The following CD3E variants were observed in gnomAD, a reference collection of about 807,000 sequenced individuals.
CD3E encodes the protein T-cell surface glycoprotein CD3 epsilon chain.
CD3E carries 16 observed loss-of-function variants against 34.7 expected under a neutral mutation model. That is an observed-to-expected ratio of 0.46 (90% CI 0.31 to 0.70). The LOEUF (loss-of-function observed/expected upper bound fraction) is 0.70. Ranked by LOEUF, CD3E falls within the 30% of genes least tolerant of loss-of-function variation. The pLI is 0.05. For missense variants in CD3E, 223 were observed against 253.9 expected, an observed-to-expected ratio of 0.88 and a Z score of 0.83; for synonymous variants, 70 against 90.8, an observed-to-expected ratio of 0.77 and a Z score of 1.30.
intron 2 of CD3E, among the ~76,000 whole-genome samples, chr11:118,305,403 T>A (rs558920236): frequency 4.3e-4 from 65 of 152,356 alleles, no homozygotes; most frequent in African/African-American, 1.5e-3. Flanking sequence ...AGCAATTCAC[T>A]ATCTTTGAGA....
chr11:118,313,951 C>CCACAG, intron 7 of CD3E, 77 bp downstream of exon 7: 1 of 1,459,644 alleles, frequency 6.9e-7, no homozygotes, highest in Non-Finnish European at 9.5e-7. Context: ...GGTGGCAAGT[C>CCACAG]CACAGCTAGG....
At position 118,315,662 on chromosome 11, in the gene CD3E, G is replaced by A. The variant is rs1948162677; in HGVS notation, c.*120G>A. On this transcript the variant is annotated 3_prime_UTR_variant, in exon 9 of 9. Transcript: ENST00000361763. ...GAGAATCGTTCCTCAGCCTCATGGT[G>A]AACTCGCGCCCTCCAGCCTGATCCC... 2.3e-6 allele frequency: 2 copies of A among 884,218 alleles called. No homozygotes were observed. The highest frequency in any genetic ancestry group is 4.0e-5 in the Admixed American group (2 of 50,090). The allele number at this position is 884,218 out of a possible 1,614,324, so 54.8% of individuals were successfully genotyped here. A position where few individuals can be genotyped will look rare whatever the true frequency, so the allele number is the denominator to read the frequency against.
chr11:118,306,982 A>G (rs765150980), intron 2 of CD3E, among the ~76,000 whole-genome samples: 59 of 152,132 alleles, frequency 3.9e-4, no homozygotes, highest in Admixed American at 3.9e-3. Flanking sequence ...TTCTTTTGCT[A>G]TGTCTCTAGT....
At chr11:118,312,947 A>T in intron 6 of CD3E, 81 bp downstream of exon 6, 1 of 1,550,290 alleles carries the variant, frequency 6.5e-7, no homozygotes, top group Non-Finnish European at 8.9e-7. Flanking sequence ...ATTTTCCCTA[A>T]CCCAGCTCAC....
At chr11:118,314,948 TACACACACACATACACACACACACACAC>T (rs1168929956) in intron 8 of CD3E, among the ~76,000 whole-genome samples, 21 of 110,120 alleles carry the variant, frequency 1.9e-4, no homozygotes, top group Admixed American at 1.6e-3. Flanking sequence ...AACCCACCCT[TACACACACACATACACACACACACACAC>T]ACACACACAC....
chr11:118,305,688 A>G (rs1381750494), intron 2 of CD3E, among the ~76,000 whole-genome samples: 3 of 152,250 alleles, frequency 2.0e-5, no homozygotes, highest in Admixed American at 6.5e-5. Context: ...AATTTTGACT[A>G]TATAAACTGA....
At chr11:118,313,553 AT>A in intron 6 of CD3E, 153 bp from the exon 7 acceptor site, 1 of 736,686 alleles carries the variant, frequency 1.4e-6, no homozygotes, top group Non-Finnish European at 2.3e-6. Context: ...TTGCTTGTCA[AT>A]GTTGTTCTAA....
At chr11:118,309,562 C>A (rs1161621531) in intron 4 of CD3E, among the ~76,000 whole-genome samples, 1 of 148,562 alleles carries the variant, frequency 6.7e-6, no homozygotes, top group African/African-American at 2.5e-5. Context: ...GGCGACAGAG[C>A]AAGACTCTGT....
intron 5 of CD3E, 142 bp from the exon 6 acceptor site, chr11:118,312,476 C>T (rs899192283): frequency 3.5e-5 from 34 of 958,832 alleles, no homozygotes; most frequent in Admixed American, 1.8e-4. Flanking sequence ...CACCCTCTAG[C>T]CAGTAGAGCT....
chr11:118,312,494 G>A, intron 5 of CD3E, 124 bp from the exon 6 acceptor site: 4 of 1,159,652 alleles, frequency 3.4e-6, no homozygotes, highest in Non-Finnish European at 5.2e-6. Flanking sequence ...GCTCCCTTCT[G>A]ACAAGCAAGT....
At chr11:118,315,409 G>T in intron 8 of CD3E, 77 bp from the exon 9 acceptor site, 1 of 1,295,084 alleles carries the variant, frequency 7.7e-7, no homozygotes. Flanking sequence ...ACGCACTAAA[G>T]CTAGCTCTTC....
At position 118,304,794 on chromosome 11, in the gene CD3E, A is replaced by G. The variant is rs147273281; in HGVS notation, c.-60+18A>G. The G allele has an allele frequency of 3.9e-4, 295 of 762,020 alleles. No individual in the cohort carries two copies. Among genetic ancestry groups the G allele is most frequent in the African/African-American group, 3.2e-3 (189 of 58,652 alleles). 47.2% of individuals were successfully genotyped at this position (762,020 alleles called of 1,614,324 possible). On this transcript the variant is annotated intron_variant, in intron 1 of 8. Coordinates refer to ENST00000361763, the MANE Select transcript of CD3E (RefSeq NM_000733.4). Reference sequence around the variant, plus strand: ...AGAAAATGGTGAGTCTCTCTCTTATAAAGCCCTCCTTTTTCATCCTAGCAT... The same window carrying G: ...AGAAAATGGTGAGTCTCTCTCTTATGAAGCCCTCCTTTTTCATCCTAGCAT...
Position 118,305,028 on chromosome 11 carries a change from G to A in CD3E, c.49+27G>A, listed in dbSNP as rs752490509. ...TGAGTAGGATGGAGTGGAAAGGGTG[G>A]TGTGTCTCCAGACCGCTGGAAGGCT... On this transcript the variant is annotated intron_variant, in intron 2 of 8. Transcript: ENST00000361763. The A allele has an allele frequency of 5.6e-6, 9 of 1,610,182 alleles. No individual in the cohort carries two copies. In the East Asian group the frequency reaches 1.6e-4, roughly 28 times the overall value.
intron 2 of CD3E, among the ~76,000 whole-genome samples, chr11:118,306,698 T>C (rs1565509998): frequency 6.6e-6 from 1 of 152,034 alleles, no homozygotes; most frequent in East Asian, 1.9e-4. Flanking sequence ...GGGAAACTGA[T>C]CATTGTAATG....
At chr11:118,311,073 T>C (rs928723750) in intron 4 of CD3E, among the ~76,000 whole-genome samples, 2 of 152,206 alleles carry the variant, frequency 1.3e-5, no homozygotes, top group Admixed American at 1.3e-4. Context: ...CGCAAAAACT[T>C]TGTGAGGTTG....
At chr11:118,314,349 TG>T in intron 7 of CD3E, 98 bp from the exon 8 acceptor site, 1 of 953,868 alleles carries the variant, frequency 1.0e-6, no homozygotes, top group Non-Finnish European at 1.7e-6. Flanking sequence ...GAGAGAACAA[TG>T]GGGTTTGCCA....
chr11:118,311,584 A>G (rs1312256511), intron 4 of CD3E, among the ~76,000 whole-genome samples: 1 of 152,216 alleles, frequency 6.6e-6, no homozygotes, highest in Non-Finnish European at 1.5e-5. Flanking sequence ...GAATAAGAAC[A>G]AAGATGTTTC....
intron 4 of CD3E, among the ~76,000 whole-genome samples, chr11:118,309,443 G>A (rs562694318): frequency 3.3e-5 from 5 of 152,306 alleles, no homozygotes; most frequent in Admixed American, 2.6e-4. Context: ...AGGCATGGTG[G>A]CAGGTGCCTG....
Position 118,316,148 on chromosome 11 carries a change from A to G in CD3E, c.*606A>G, listed in dbSNP as rs1948165858. On this transcript the variant is annotated 3_prime_UTR_variant, in exon 9 of 9. Coordinates refer to ENST00000361763, the MANE Select transcript of CD3E (RefSeq NM_000733.4). ...TGCTCTGCTCCTCAGCTGAGAGAGA[A>G]AAAAATAAACTGTATTTGGCTGCAA... The G allele has an allele frequency of 6.5e-6, 1 of 154,646 alleles. No individual in the cohort carries two copies. Among genetic ancestry groups the G allele is most frequent in the African/African-American group, 2.4e-5 (1 of 41,436 alleles). The allele number at this position is 154,646 out of a possible 1,614,324, so 9.6% of individuals were successfully genotyped here.
Sources: allele counts gnomAD v4.1 joint callset (sites outside exome capture counted in the v4.1 genomes callset), GRCh38; gene constraint gnomAD v4.1.1; transcripts MANE v1.5; gene names NCBI Gene and HGNC (gene_info 2026-07-23, HGNC 2026-07-21).